The following TENT2 variants were observed in gnomAD, a reference collection of about 807,000 sequenced individuals.
TENT2 encodes terminal nucleotidyltransferase 2, also known as poly(A) RNA polymerase GLD2.
TENT2 carries 44 observed loss-of-function variants against 72.2 expected under a neutral mutation model. The observed-to-expected ratio is 0.61, with a 90% CI of 0.48 to 0.78. The LOEUF (loss-of-function observed/expected upper bound fraction) is 0.78. TENT2 is among the 30% of genes least tolerant of loss of function. TENT2 has a pLI of 0.00. For missense variants in TENT2, 541 were observed against 569.6 expected, an observed-to-expected ratio of 0.95 and a Z score of 0.51; for synonymous variants, 212 against 192.5, an observed-to-expected ratio of 1.10 and a Z score of -0.84.
chr5:79,639,766 A>C (rs1037457724), intron 4 of TENT2, among the ~76,000 whole-genome samples: 9 of 152,216 alleles, frequency 5.9e-5, no homozygotes, highest in Non-Finnish European at 1.2e-4. Context: ...TGGAATTTAA[A>C]ATTTCAGAGC....
chr5:79,661,140 A>C (rs1356940242), intron 11 of TENT2, among the ~76,000 whole-genome samples: 8 of 152,174 alleles, frequency 5.3e-5, no homozygotes, highest in Non-Finnish European at 1.2e-4. Context: ...AAATAAAGTA[A>C]GCTAAGGTTA....
chr5:79,681,856 A>T, intron 13 of TENT2, 126 bp from the exon 14 acceptor site: 1 of 645,346 alleles, frequency 1.5e-6, no homozygotes, highest in South Asian at 2.1e-5. Flanking sequence ...TATTAGGCTG[A>T]CCCATCTGAA....
rs184633863 is a variant in TENT2 at position 79,646,336 on chromosome 5, A to G, written c.821+1144A>G. Reference sequence around the variant, plus strand: ...TACAATGTCTTCAAATAGAAGCACAACATAAAACTTGGTTATGTATTGATG... The same window carrying G: ...TACAATGTCTTCAAATAGAAGCACAGCATAAAACTTGGTTATGTATTGATG... On this transcript the variant is annotated intron_variant, in intron 8 of 14. Transcript: ENST00000453514. Among the ~76,000 whole-genome samples, 825 of 152,350 alleles carry G rather than the reference A, an allele frequency of 5.4e-3. 6 individuals carry two copies. Among genetic ancestry groups the G allele is most frequent in the Admixed American group, 0.011 (164 of 15,300 alleles).
chr5:79,629,565 C>A (rs187849569), intron 4 of TENT2, among the ~76,000 whole-genome samples: 3 of 152,310 alleles, frequency 2.0e-5, no homozygotes, highest in African/African-American at 7.2e-5. Context: ...CAGTGGCTCA[C>A]GCCTGTAATC....
chr5:79,680,390 G>A (rs1488947666), intron 13 of TENT2, among the ~76,000 whole-genome samples: 3 of 152,132 alleles, frequency 2.0e-5, no homozygotes, highest in South Asian at 2.1e-4. Context: ...AGTTACTTGT[G>A]TTCAGTTGAA....
At chr5:79,666,865 C>G (rs1273886026) in intron 11 of TENT2, among the ~76,000 whole-genome samples, 2 of 152,144 alleles carry the variant, frequency 1.3e-5, no homozygotes, top group Non-Finnish European at 2.9e-5. Flanking sequence ...AGCCACCATG[C>G]CTGGCTTAGG....
intron 11 of TENT2, among the ~76,000 whole-genome samples, chr5:79,667,931 CT>C (rs780161442): frequency 0.028 from 3,605 of 130,080 alleles, 105 homozygotes; most frequent in African/African-American, 0.08. Context: ...TAACTAATTG[CT>C]TTTTTTTTTT....
At position 79,620,040 on chromosome 5, in the gene TENT2, A is replaced by G. The variant is rs1161808380; in HGVS notation, c.184A>G (p.Ser62Gly). The G allele has an allele frequency of 6.2e-7, 1 of 1,611,958 alleles. No homozygotes were observed. ...ACAGCAGCTGACATATGGAAATGTC[A>G]GTCCAATACAGACCTCAGCTTCCCC... Reference protein sequence around the residue: ...SLQQLTYGNVSPIQTSASPLF... With the variant: ...SLQQLTYGNVGPIQTSASPLF... Residue 62 changes from serine to glycine, a missense_variant, in exon 3 of 15, where the codon AGT (serine) becomes GGT (glycine). Physicochemically the swap from Ser to Gly is moderately conservative, Grantham distance 56. Coordinates refer to ENST00000453514, the MANE Select transcript of TENT2 (RefSeq NM_001114394.3).
At chr5:79,623,209 A>G in intron 3 of TENT2, 43 bp from the exon 4 acceptor site, 1 of 1,393,846 alleles carries the variant, frequency 7.2e-7, no homozygotes, top group South Asian at 1.4e-5. Flanking sequence ...TTGTTATCAG[A>G]AAGTTGTATC....
At chr5:79,636,496 G>T (rs1780260691) in intron 4 of TENT2, among the ~76,000 whole-genome samples, 1 of 152,206 alleles carries the variant, frequency 6.6e-6, no homozygotes, top group Admixed American at 6.5e-5. Flanking sequence ...AAGTATAGAA[G>T]TCAGGTAGGT....
At chr5:79,661,071 A>G (rs957938204) in intron 11 of TENT2, among the ~76,000 whole-genome samples, 12 of 152,192 alleles carry the variant, frequency 7.9e-5, no homozygotes, top group Non-Finnish European at 1.0e-4. Flanking sequence ...TCGTTGTGCA[A>G]TGTGTTTGTA....
At chr5:79,659,077 A>T (rs1800052302) in intron 11 of TENT2, among the ~76,000 whole-genome samples, 1 of 152,100 alleles carries the variant, frequency 6.6e-6, no homozygotes, top group South Asian at 2.1e-4. Flanking sequence ...ATAAATATTT[A>T]ATTAATTTAC....
intron 11 of TENT2, among the ~76,000 whole-genome samples, chr5:79,661,201 G>A (rs981758797): frequency 6.6e-6 from 1 of 152,122 alleles, no homozygotes; most frequent in Admixed American, 6.6e-5. Flanking sequence ...GGTAGCCTAA[G>A]TGTACAGTAT....
intron 4 of TENT2, among the ~76,000 whole-genome samples, chr5:79,633,497 A>G (rs1283069729): frequency 1.4e-5 from 2 of 140,134 alleles, no homozygotes; most frequent in African/African-American, 2.7e-5. Flanking sequence ...CTGGAGTGCA[A>G]TGGCTTGATC....
chr5:79,673,752 T>C (rs557916037), intron 12 of TENT2, among the ~76,000 whole-genome samples: 3 of 152,164 alleles, frequency 2.0e-5, no homozygotes, highest in Non-Finnish European at 4.4e-5. Flanking sequence ...CAAGTGGAGA[T>C]ACTGAGTAGA....
rs1202072995 is a variant in TENT2, at chr5:79,654,565, C to T, written c.1028-2393C>T. Among the ~76,000 whole-genome samples the T allele has an allele frequency of 2.0e-5, 3 of 151,960 alleles. No homozygotes were observed. In the East Asian group the frequency reaches 5.8e-4, roughly 29 times the overall value. On this transcript the variant is annotated intron_variant, in intron 10 of 14. Coordinates refer to ENST00000453514, the MANE Select transcript of TENT2 (RefSeq NM_001114394.3). ...GGTAGACATTTTAAAATTGTCTTTG[C>T]AGAGCCTGGCCAACGTGGCGAAACC...
chr5:79,615,972 T>C (rs577789323), intron 1 of TENT2, among the ~76,000 whole-genome samples: 4 of 152,156 alleles, frequency 2.6e-5, no homozygotes, highest in South Asian at 4.1e-4. Flanking sequence ...CACTGTAACC[T>C]CTGCTTGCCA....
At chr5:79,646,386 G>A (rs1789032203) in intron 8 of TENT2, among the ~76,000 whole-genome samples, 1 of 152,104 alleles carries the variant, frequency 6.6e-6, no homozygotes, top group African/African-American at 2.4e-5. Flanking sequence ...TGACCAGGCT[G>A]GCAGATACCT....
intron 3 of TENT2, 97 bp from the exon 4 acceptor site, chr5:79,623,155 T>A: frequency 1.2e-6 from 1 of 817,340 alleles, no homozygotes; most frequent in East Asian, 2.7e-5. Context: ...AATCATATTG[T>A]CATTATCTCT....
Sources: gnomAD v4.1 joint callset for allele counts (sites outside exome capture counted in the v4.1 genomes callset) on GRCh38, gnomAD v4.1.1 for gene constraint, MANE v1.5 for transcripts, NCBI Gene and HGNC (gene_info 2026-07-23, HGNC 2026-07-21) for gene names.